GALNT7: variants seen among roughly 807,000 people sequenced by gnomAD.
GALNT7 encodes the protein polypeptide N-acetylgalactosaminyltransferase 7.
A neutral mutation model predicts 82.1 loss-of-function variants in GALNT7; 60 were observed. The observed-to-expected ratio is 0.73, with a 90% confidence interval of 0.59 to 0.91. The LOEUF is 0.91. GALNT7 is among the 40% of genes least tolerant of loss of function. The probability of loss-of-function intolerance (pLI) is 0.00; values close to 1 mark genes in which losing one functional copy is unlikely to be tolerated. For synonymous variants in GALNT7, 243 were observed against 275.1 expected, an observed-to-expected ratio of 0.88 and a Z score of 1.15; for missense variants, 660 against 804.2, an observed-to-expected ratio of 0.82 and a Z score of 2.17.
intron 2 of GALNT7, among the ~76,000 whole-genome samples, chr4:173,251,563 C>T (rs1208992871): frequency 6.6e-6 from 1 of 152,150 alleles, no homozygotes; most frequent in Admixed American, 6.6e-5. Context: ...GATGCTAAAG[C>T]CTTCATTTCC....
chr4:173,214,644 A>G (rs17059215), intron 1 of GALNT7, among the ~76,000 whole-genome samples: 5,056 of 152,258 alleles, frequency 0.033, 274 homozygotes, highest in African/African-American at 0.11. Context: ...TAAGTTCTCA[A>G]TAGAGCTGTT....
At chr4:173,309,871 T>G (rs1737312228) in intron 8 of GALNT7, among the ~76,000 whole-genome samples, 1 of 151,452 alleles carries the variant, frequency 6.6e-6, no homozygotes, top group African/African-American at 2.5e-5. Context: ...AAATTCCCCT[T>G]GGAGTTGGAC....
At chr4:173,314,493 T>A (rs893040847) in intron 9 of GALNT7, among the ~76,000 whole-genome samples, 3 of 152,284 alleles carry the variant, frequency 2.0e-5, no homozygotes, top group African/African-American at 7.2e-5. Context: ...TGCTCTCAAC[T>A]TAGAGATCAC....
chr4:173,256,335 C>T (rs889238479), intron 2 of GALNT7, among the ~76,000 whole-genome samples: 1 of 152,142 alleles, frequency 6.6e-6, no homozygotes, highest in Non-Finnish European at 1.5e-5. Context: ...AAATGAATGT[C>T]TCCAAAGACC....
At chr4:173,235,547 TTTTCTTTTC>T (rs1276279380) in intron 1 of GALNT7, among the ~76,000 whole-genome samples, 2 of 60,920 alleles carry the variant, frequency 3.3e-5, no homozygotes, top group South Asian at 1.1e-3. Flanking sequence ...AAGCCTTTTC[TTTTCTTTTC>T]TTTTTTTTTT....
rs377344458 is a variant in GALNT7 at position 173,200,190 on chromosome 4, G to A, written c.126+31229G>A. ...TATCTAACTTCTGTAACAGCACTTC[G>A]GAATTAATCTAATTGCATCCTATTG... On this transcript the variant is annotated intron_variant, in intron 1 of 11. Coordinates refer to ENST00000265000, the MANE Select transcript of GALNT7 (RefSeq NM_017423.3). Among the ~76,000 whole-genome samples, 47 of 152,180 alleles carry A rather than the reference G, an allele frequency of 3.1e-4. 1 individual carries two copies. In the East Asian group the frequency reaches 5.6e-3, roughly 18 times the overall value.
At chr4:173,225,072 C>G (rs1422286637) in intron 1 of GALNT7, among the ~76,000 whole-genome samples, 4 of 150,692 alleles carry the variant, frequency 2.7e-5, no homozygotes, top group South Asian at 4.2e-4. Flanking sequence ...TCTGTGCCCA[C>G]TTCCCCAAGA....
chr4:173,281,032 C>T (rs890833844), intron 2 of GALNT7, among the ~76,000 whole-genome samples: 6 of 152,278 alleles, frequency 3.9e-5, no homozygotes, highest in East Asian at 3.9e-4. Context: ...CCAATCCAGT[C>T]GGCCCAAAAT....
intron 6 of GALNT7, among the ~76,000 whole-genome samples, chr4:173,299,943 G>A (rs1229196684): frequency 6.6e-6 from 1 of 151,940 alleles, no homozygotes; most frequent in Non-Finnish European, 1.5e-5. Flanking sequence ...TAATAGTGTT[G>A]TTACTGTGTT....
chr4:173,190,390 G>A (rs1732592284), intron 1 of GALNT7, among the ~76,000 whole-genome samples: 1 of 152,316 alleles, frequency 6.6e-6, no homozygotes, highest in East Asian at 1.9e-4. Flanking sequence ...AGGGAGAAAG[G>A]ATATTGGGAG....
At chr4:173,300,125 C>T (rs985766169) in intron 6 of GALNT7, among the ~76,000 whole-genome samples, 2 of 152,144 alleles carry the variant, frequency 1.3e-5, no homozygotes, top group African/African-American at 4.8e-5. Flanking sequence ...AGATATGTTT[C>T]CTCATTGAAT....
intron 1 of GALNT7, among the ~76,000 whole-genome samples, chr4:173,205,204 G>A (rs1002044199): frequency 6.6e-6 from 1 of 152,130 alleles, no homozygotes; most frequent in Admixed American, 6.5e-5. Context: ...AGCCTGGGGG[G>A]CTGACCTGGT....
intron 2 of GALNT7, among the ~76,000 whole-genome samples, chr4:173,267,056 T>C (rs1735529869): frequency 6.6e-6 from 1 of 152,062 alleles, no homozygotes; most frequent in African/African-American, 2.4e-5. Context: ...ATTGTGTATT[T>C]CAAAAGGGCT....
intron 1 of GALNT7, among the ~76,000 whole-genome samples, chr4:173,214,229 T>C (rs1295996625): frequency 1.3e-5 from 2 of 151,918 alleles, no homozygotes; most frequent in Admixed American, 1.3e-4. Context: ...GAAGTTTAAG[T>C]GTTGTATCCT....
chr4:173,190,634 T>G (rs968303734), intron 1 of GALNT7, among the ~76,000 whole-genome samples: 1 of 152,194 alleles, frequency 6.6e-6, no homozygotes, highest in African/African-American at 2.4e-5. Flanking sequence ...TTCAGACTTG[T>G]CTCCCAAGTT....
At chr4:173,169,078 G>C (rs1305063017) in intron 1 of GALNT7, 117 bp downstream of exon 1, 2 of 948,334 alleles carry the variant, frequency 2.1e-6, no homozygotes, top group African/African-American at 1.7e-5. Flanking sequence ...CCGCAGCTCC[G>C]CAGGTGGTGC....
At position 173,237,468 on chromosome 4, in the gene GALNT7, TAACA is replaced by T. The variant is rs1025647516; in HGVS notation, c.127-10507_127-10504del. Reference sequence around the variant, plus strand: ...TGCTTTTTTGCCTTTCAAAAGGGTATAACAAACATTCTCTCCCAACACAAATGCC... The same window carrying T: ...TGCTTTTTTGCCTTTCAAAAGGGTATAACATTCTCTCCCAACACAAATGCC... On this transcript the variant is annotated intron_variant, in intron 1 of 11. Transcript: ENST00000265000. Among the ~76,000 whole-genome samples the T allele has an allele frequency of 2.6e-5, 4 of 152,326 alleles. No homozygotes were observed. The South Asian group carries it at 6.2e-4, about 24-fold the overall frequency.
chr4:173,177,225 G>A (rs1277724914), intron 1 of GALNT7, among the ~76,000 whole-genome samples: 6 of 152,252 alleles, frequency 3.9e-5, no homozygotes, highest in Non-Finnish European at 5.9e-5. Context: ...CTAGTTCCCC[G>A]GGGATGCTGA....
At chr4:173,272,148 C>G (rs1423026769) in intron 2 of GALNT7, among the ~76,000 whole-genome samples, 1 of 152,188 alleles carries the variant, frequency 6.6e-6, no homozygotes, top group Admixed American at 6.5e-5. Flanking sequence ...CTCCTCTGCT[C>G]TCCATCCCTG....
Sources: gnomAD v4.1 joint callset for allele counts (sites outside exome capture counted in the v4.1 genomes callset) on GRCh38, gnomAD v4.1.1 for gene constraint, MANE v1.5 for transcripts, NCBI Gene and HGNC (gene_info 2026-07-23, HGNC 2026-07-21) for gene names.